Variants in NBAS observed in about 807,000 individuals in gnomAD.
NBAS encodes the protein NAG/BC035112 fusion.
Under a neutral mutation model 302.5 loss-of-function variants are expected in NBAS, and 219 were observed. That is an observed-to-expected ratio of 0.72 (90% CI 0.65 to 0.81). The LOEUF is 0.81. Ranked by LOEUF, NBAS falls within the 30% of genes least tolerant of loss-of-function variation. NBAS has a pLI of 0.00. For missense variants in NBAS, 2,932 were observed against 2,841.6 expected (o/e 1.03, Z -0.72); for synonymous variants, 1,118 against 1,021.6 (o/e 1.09, Z -1.80).
chr2:15,289,251 GT>G (rs1395082351), intron 41 of NBAS, among the ~76,000 whole-genome samples: 1 of 151,928 alleles, frequency 6.6e-6, no homozygotes, highest in Non-Finnish European at 1.5e-5. Context: ...GCCACACCTA[GT>G]TTTTTGTTTG....
chr2:14,945,363 T>C, the NBAS span, among the ~76,000 whole-genome samples: 1 of 151,984 alleles, frequency 6.6e-6, no homozygotes, highest in Non-Finnish European at 1.5e-5. Flanking sequence ...TAACTAATAC[T>C]TCAGTGCACA....
At chr2:15,098,578 G>GTTATA in the NBAS span, among the ~76,000 whole-genome samples, 1 of 64,330 alleles carries the variant, frequency 1.6e-5, no homozygotes, top group African/African-American at 8.4e-5. Context: ...TGTATATAAT[G>GTTATA]TATTATATAT....
At chr2:14,828,214 G>A in the NBAS span, among the ~76,000 whole-genome samples, 1 of 152,088 alleles carries the variant, frequency 6.6e-6, no homozygotes, top group Non-Finnish European at 1.5e-5. Context: ...GTTTTTAAAA[G>A]ACAATTTTAG....
the NBAS span, among the ~76,000 whole-genome samples, chr2:15,154,021 A>C: frequency 6.6e-6 from 1 of 152,212 alleles, no homozygotes; most frequent in African/African-American, 2.4e-5. Flanking sequence ...CCTAGATAGA[A>C]ATAAAGGGCT....
At chr2:15,422,868 T>C (rs1677278520) in intron 23 of NBAS, among the ~76,000 whole-genome samples, 1 of 152,208 alleles carries the variant, frequency 6.6e-6, no homozygotes, top group Non-Finnish European at 1.5e-5. Context: ...TAAGTTCAAC[T>C]AGGAAACCGC....
the NBAS span, among the ~76,000 whole-genome samples, chr2:14,967,631 T>C: frequency 6.6e-6 from 1 of 152,180 alleles, no homozygotes; most frequent in Non-Finnish European, 1.5e-5. Context: ...TAGGATTAAA[T>C]CTCTGTGGCC....
At chr2:15,066,529 T>TA in the NBAS span, among the ~76,000 whole-genome samples, 1 of 151,952 alleles carries the variant, frequency 6.6e-6, no homozygotes, top group Non-Finnish European at 1.5e-5. Flanking sequence ...ACAATCCAAT[T>TA]AAAAAATAAG....
intron 44 of NBAS, among the ~76,000 whole-genome samples, chr2:15,262,676 A>G (rs1441010110): frequency 6.6e-6 from 1 of 152,206 alleles, no homozygotes; most frequent in Non-Finnish European, 1.5e-5. Flanking sequence ...AGCCTACAAC[A>G]TTAAACAATA....
At chr2:14,847,777 A>G in the NBAS span, among the ~76,000 whole-genome samples, 1,217 of 152,330 alleles carry the variant, frequency 8.0e-3, 15 homozygotes, top group African/African-American at 0.028. Context: ...CTATACAGCA[A>G]TGGACCTATT....
At chr2:14,916,623 T>C in the NBAS span, among the ~76,000 whole-genome samples, 1 of 152,138 alleles carries the variant, frequency 6.6e-6, no homozygotes, top group Non-Finnish European at 1.5e-5. Context: ...AGCTGAAAAG[T>C]GATTTTTCTC....
At chr2:15,439,559 C>A (rs1678231769) in intron 21 of NBAS, among the ~76,000 whole-genome samples, 1 of 152,088 alleles carries the variant, frequency 6.6e-6, no homozygotes, top group Non-Finnish European at 1.5e-5. Context: ...CTCTGGTCTA[C>A]AGCTCCCAGC....
At chr2:15,371,910 T>TA (rs1674504639) in intron 31 of NBAS, among the ~76,000 whole-genome samples, 3 of 152,142 alleles carry the variant, frequency 2.0e-5, no homozygotes, top group Admixed American at 6.5e-5. Flanking sequence ...TATGATTATT[T>TA]AAAAAATACC....
chr2:14,896,678 T>C, the NBAS span, among the ~76,000 whole-genome samples: 1 of 152,142 alleles, frequency 6.6e-6, no homozygotes, highest in African/African-American at 2.4e-5. Flanking sequence ...ACCGCCTTCT[T>C]TCTGGACTTT....
chr2:14,801,111 T>A, the NBAS span, among the ~76,000 whole-genome samples: 9 of 152,160 alleles, frequency 5.9e-5, no homozygotes, highest in Admixed American at 5.9e-4. Flanking sequence ...CTTTAACCAA[T>A]GCCCCCTGCC....
chr2:15,232,619 CT>C, intron 46 of NBAS, 108 bp from the exon 47 acceptor site: 1 of 891,570 alleles, frequency 1.1e-6, no homozygotes, highest in Non-Finnish European at 1.8e-6. Flanking sequence ...GCACAGTATA[CT>C]GCCTGCCCAT....
At chr2:15,251,058 C>A (rs181746781) in intron 44 of NBAS, among the ~76,000 whole-genome samples, 1 of 152,250 alleles carries the variant, frequency 6.6e-6, no homozygotes, top group African/African-American at 2.4e-5. Context: ...GGAACCAATC[C>A]AAATGCCCAT....
the NBAS span, among the ~76,000 whole-genome samples, chr2:15,113,781 A>G: frequency 1.3e-5 from 2 of 151,948 alleles, no homozygotes; most frequent in Non-Finnish European, 2.9e-5. Context: ...TTTAAAACAA[A>G]CTGCACCTCC....
the NBAS span, among the ~76,000 whole-genome samples, chr2:14,843,331 G>A: frequency 6.6e-6 from 1 of 152,066 alleles, no homozygotes; most frequent in East Asian, 1.9e-4. Flanking sequence ...AATTAGGCAA[G>A]AGAAATAAAC....
chr2:15,504,588 T>C (rs1218640299), intron 10 of NBAS, among the ~76,000 whole-genome samples: 9 of 152,222 alleles, frequency 5.9e-5, no homozygotes, highest in African/African-American at 2.2e-4. Context: ...TATTAACAAT[T>C]GATTCTATGC....
Sources: allele counts gnomAD v4.1 joint callset (sites outside exome capture counted in the v4.1 genomes callset), GRCh38; gene constraint gnomAD v4.1.1; transcripts MANE v1.5; gene names NCBI Gene and HGNC (gene_info 2026-07-23, HGNC 2026-07-21).